ADGRL2: variants seen among roughly 807,000 people sequenced by gnomAD.
The protein encoded by ADGRL2 is adhesion G protein-coupled receptor L2.
Under a neutral mutation model 157.4 loss-of-function variants are expected in ADGRL2, and 44 were observed. The ratio of observed to expected loss-of-function variants is 0.28; its 90% CI spans 0.22 to 0.36. The LOEUF is 0.36. Among genes scored for constraint, ADGRL2 ranks in the 10% least tolerant of loss-of-function variants. The pLI is 1.00. For missense variants in ADGRL2, 1,510 were observed against 1,768.9 expected, an observed-to-expected ratio of 0.85 and a Z score of 2.63; for synonymous variants, 585 against 624.7, an observed-to-expected ratio of 0.94 and a Z score of 0.95.
At chr1:81,765,631 G>T (rs1480807725) in intron 2 of ADGRL2, among the ~76,000 whole-genome samples, 4 of 151,878 alleles carry the variant, frequency 2.6e-5, no homozygotes, top group Non-Finnish European at 4.4e-5. Flanking sequence ...TAGTTAATCT[G>T]CCCTTCAACA....
At chr1:81,743,940 A>G (rs1031431931) in intron 1 of ADGRL2, among the ~76,000 whole-genome samples, 4 of 152,142 alleles carry the variant, frequency 2.6e-5, no homozygotes, top group Admixed American at 2.6e-4. Flanking sequence ...TAAGCAATGA[A>G]ATGCATGCCA....
intron 3 of ADGRL2, among the ~76,000 whole-genome samples, chr1:81,921,020 G>T (rs537981510): frequency 6.6e-6 from 1 of 152,182 alleles, no homozygotes; most frequent in African/African-American, 2.4e-5. Flanking sequence ...AAAAGAAAGT[G>T]CTTCTGATTG....
intron 1 of ADGRL2, among the ~76,000 whole-genome samples, chr1:81,431,720 T>C (rs1371253507): frequency 1.3e-5 from 2 of 152,348 alleles, no homozygotes; most frequent in East Asian, 3.9e-4. Context: ...AAATTGCCTG[T>C]TCTTTTTTGT....
intron 1 of ADGRL2, among the ~76,000 whole-genome samples, chr1:81,372,898 T>C (rs1027771399): frequency 7.9e-5 from 12 of 152,230 alleles, no homozygotes; most frequent in African/African-American, 2.9e-4. Context: ...ACTGTAATTG[T>C]TTCTTTACAT....
chr1:81,501,316 A>T (rs1206316001), intron 2 of ADGRL2, among the ~76,000 whole-genome samples: 1 of 152,156 alleles, frequency 6.6e-6, no homozygotes, highest in African/African-American at 2.4e-5. Flanking sequence ...GTCTGGAAGT[A>T]CCTCCCAACA....
chr1:81,646,834 T>C (rs976308431), intron 3 of ADGRL2, among the ~76,000 whole-genome samples: 1 of 152,146 alleles, frequency 6.6e-6, no homozygotes, highest in Non-Finnish European at 1.5e-5. Context: ...TGGCCTCAAT[T>C]TTCTTATTAC....
At chr1:81,392,790 A>G (rs1378432148) in intron 1 of ADGRL2, among the ~76,000 whole-genome samples, 1 of 152,068 alleles carries the variant, frequency 6.6e-6, no homozygotes, top group East Asian at 1.9e-4. Context: ...GTAAAACTAT[A>G]TATGTTTTAT....
At chr1:81,656,871 G>A (rs1196318146) in intron 3 of ADGRL2, among the ~76,000 whole-genome samples, 3 of 151,892 alleles carry the variant, frequency 2.0e-5, no homozygotes, top group Non-Finnish European at 2.9e-5. Context: ...TTAGATGGGT[G>A]TGGTGGCACA....
intron 2 of ADGRL2, among the ~76,000 whole-genome samples, chr1:81,856,041 G>T (rs978535669): frequency 1.3e-5 from 2 of 152,090 alleles, no homozygotes; most frequent in Non-Finnish European, 2.9e-5. Flanking sequence ...ATCCAGGGGA[G>T]GTCATATTGC....
chr1:81,690,112 T>C (rs1306062774), intron 3 of ADGRL2, among the ~76,000 whole-genome samples: 1 of 152,200 alleles, frequency 6.6e-6, no homozygotes, highest in Non-Finnish European at 1.5e-5. Context: ...CTACTTCCAA[T>C]TATTTTTCAC....
chr1:81,874,899 G>T (rs2093796518), intron 2 of ADGRL2, among the ~76,000 whole-genome samples: 4 of 151,886 alleles, frequency 2.6e-5, no homozygotes, highest in African/African-American at 7.3e-5. Flanking sequence ...AGAGATTGGG[G>T]TCTCACCACA....
chr1:81,546,242 A>G (rs899234857), intron 2 of ADGRL2, among the ~76,000 whole-genome samples: 2 of 152,168 alleles, frequency 1.3e-5, no homozygotes, highest in African/African-American at 4.8e-5. Flanking sequence ...AAATTTTACC[A>G]TATCTTTCTG....
intron 1 of ADGRL2, among the ~76,000 whole-genome samples, chr1:81,372,206 G>A (rs2076172242): frequency 6.6e-6 from 1 of 151,958 alleles, no homozygotes; most frequent in South Asian, 2.1e-4. Context: ...AACTATTACA[G>A]TAGTACTTTA....
At chr1:81,852,942 C>A (rs2093067610) in intron 2 of ADGRL2, among the ~76,000 whole-genome samples, 1 of 151,962 alleles carries the variant, frequency 6.6e-6, no homozygotes, top group African/African-American at 2.4e-5. Flanking sequence ...TTAAATTTAA[C>A]CTGTAAAAAT....
intron 1 of ADGRL2, chr1:81,427,550 C>T (rs1326841041): frequency 1.3e-6 from 1 of 745,680 alleles, no homozygotes; most frequent in Non-Finnish European, 2.5e-6. Context: ...AGAAGCTCAT[C>T]CCTATGATGG....
At chr1:81,537,641 T>C (rs1469492033) in intron 2 of ADGRL2, among the ~76,000 whole-genome samples, 13 of 152,126 alleles carry the variant, frequency 8.5e-5, no homozygotes, top group African/African-American at 2.4e-5. Flanking sequence ...ACTGCTATTT[T>C]TCCAATTCCC....
At chr1:81,576,020 A>G (rs2080791576) in intron 2 of ADGRL2, among the ~76,000 whole-genome samples, 1 of 152,150 alleles carries the variant, frequency 6.6e-6, no homozygotes, top group Admixed American at 6.6e-5. Flanking sequence ...AACAGATGAA[A>G]TAGTATGGGA....
chr1:81,381,859 T>C (rs1047325226), intron 1 of ADGRL2, among the ~76,000 whole-genome samples: 2 of 152,196 alleles, frequency 1.3e-5, no homozygotes, highest in Non-Finnish European at 2.9e-5. Flanking sequence ...GTATCAAACA[T>C]TTCCCTAAAG....
chr1:81,378,826 C>A (rs1279715372), intron 1 of ADGRL2, among the ~76,000 whole-genome samples: 3 of 152,136 alleles, frequency 2.0e-5, no homozygotes, highest in Non-Finnish European at 4.4e-5. Flanking sequence ...CCCTCTTTAA[C>A]CATAGTTAAC....
Sources: gnomAD v4.1 joint callset for allele counts (sites outside exome capture counted in the v4.1 genomes callset) on GRCh38, gnomAD v4.1.1 for gene constraint, MANE v1.5 for transcripts, NCBI Gene and HGNC (gene_info 2026-07-23, HGNC 2026-07-21) for gene names.